The following PCSK5 variants were observed in gnomAD, a reference collection of about 807,000 sequenced individuals.
PCSK5 encodes prohormone convertase 5.
PCSK5 carries 129 observed loss-of-function variants against 233.2 expected under a neutral mutation model. The observed-to-expected ratio is 0.55, with a 90% confidence interval of 0.48 to 0.64. PCSK5 has a LOEUF of 0.64. Ranked by LOEUF, PCSK5 falls within the 30% of genes least tolerant of loss-of-function variation. PCSK5 has a pLI of 0.00. For synonymous variants in PCSK5, 825 were observed against 879.2 expected, an observed-to-expected ratio of 0.94 and a Z score of 1.09; for missense variants, 2,076 against 2,430.1, an observed-to-expected ratio of 0.85 and a Z score of 3.06.
intron 3 of PCSK5, among the ~76,000 whole-genome samples, chr9:76,014,154 A>G (rs1827849887): frequency 2.6e-5 from 4 of 152,086 alleles, no homozygotes; most frequent in Admixed American, 2.6e-4. Flanking sequence ...TGCAAGCAGA[A>G]TTTTGCAAAT....
At chr9:76,166,455 G>C (rs980803392) in intron 12 of PCSK5, among the ~76,000 whole-genome samples, 3 of 152,166 alleles carry the variant, frequency 2.0e-5, no homozygotes, top group African/African-American at 7.2e-5. Flanking sequence ...ACTTTCAAAG[G>C]TGGACAGGAA....
At chr9:76,031,404 C>T (rs143922954) in intron 5 of PCSK5, among the ~76,000 whole-genome samples, 1 of 152,300 alleles carries the variant, frequency 6.6e-6, no homozygotes, top group East Asian at 1.9e-4. Flanking sequence ...ATACTTCCCT[C>T]TAGGCTGGGC....
At chr9:76,312,468 C>T (rs541088248) in intron 30 of PCSK5, among the ~76,000 whole-genome samples, 7 of 149,452 alleles carry the variant, frequency 4.7e-5, no homozygotes, top group East Asian at 3.9e-4. Context: ...AAGATCACAC[C>T]GTTATATTCC....
intron 20 of PCSK5, among the ~76,000 whole-genome samples, chr9:76,208,817 G>A (rs980779581): frequency 2.6e-5 from 4 of 152,172 alleles, no homozygotes; most frequent in African/African-American, 9.7e-5. Context: ...GCTGAGAAGT[G>A]GATTGATGGT....
At chr9:75,987,583 A>G (rs899543018) in intron 3 of PCSK5, among the ~76,000 whole-genome samples, 3 of 152,158 alleles carry the variant, frequency 2.0e-5, no homozygotes, top group African/African-American at 7.2e-5. Context: ...TTACCCAGAA[A>G]TGAAAGGTTA....
chr9:76,145,628 C>T (rs1423668399), intron 10 of PCSK5, among the ~76,000 whole-genome samples: 1 of 152,164 alleles, frequency 6.6e-6, no homozygotes, highest in Non-Finnish European at 1.5e-5. Context: ...CAGACTGCAG[C>T]ACCAGTTTCA....
intron 8 of PCSK5, among the ~76,000 whole-genome samples, chr9:76,098,646 C>T (rs373489087): frequency 6.6e-5 from 10 of 152,214 alleles, no homozygotes; most frequent in African/African-American, 2.2e-4. Context: ...TTTAGTCAGT[C>T]CTATTATTCT....
chr9:76,311,001 C>T (rs1828850514), intron 30 of PCSK5, 150 bp downstream of exon 30: 1 of 562,952 alleles, frequency 1.8e-6, no homozygotes, highest in African/African-American at 1.9e-5. Context: ...GTGTGCGCCA[C>T]AGCAGCCAAA....
chr9:75,897,233 A>G (rs950291457), intron 1 of PCSK5, among the ~76,000 whole-genome samples: 6 of 152,172 alleles, frequency 3.9e-5, no homozygotes, highest in Non-Finnish European at 7.4e-5. Flanking sequence ...GAATAACAAC[A>G]TACAGTAATT....
intron 20 of PCSK5, among the ~76,000 whole-genome samples, chr9:76,206,143 C>G (rs747519357): frequency 6.6e-6 from 1 of 152,104 alleles, no homozygotes; most frequent in Middle Eastern, 3.2e-3. Context: ...TTCAGTAGAT[C>G]CGAGGTGGAA....
chr9:76,210,538 G>A (rs1825291556), intron 20 of PCSK5, among the ~76,000 whole-genome samples: 1 of 152,210 alleles, frequency 6.6e-6, no homozygotes, highest in Admixed American at 6.5e-5. Flanking sequence ...GTCTGCTACA[G>A]TTTGTAAGGT....
chr9:76,041,669 G>A (rs375526196), intron 5 of PCSK5, among the ~76,000 whole-genome samples: 3 of 151,904 alleles, frequency 2.0e-5, no homozygotes, highest in Non-Finnish European at 2.9e-5. Context: ...GTGAAACCCC[G>A]TCTCTACTAA....
intron 14 of PCSK5, among the ~76,000 whole-genome samples, chr9:76,176,527 T>C (rs964387131): frequency 6.6e-6 from 1 of 152,236 alleles, no homozygotes; most frequent in African/African-American, 2.4e-5. Flanking sequence ...AAAGTCTCAT[T>C]GGAATTTAAT....
intron 5 of PCSK5, among the ~76,000 whole-genome samples, chr9:76,043,380 T>C (rs1829218479): frequency 6.9e-6 from 1 of 144,946 alleles, no homozygotes; most frequent in Admixed American, 6.9e-5. Flanking sequence ...TATTTACAGA[T>C]ATTAAAAGGC....
intron 20 of PCSK5, among the ~76,000 whole-genome samples, chr9:76,191,263 A>G (rs1204490654): frequency 2.6e-5 from 4 of 152,198 alleles, no homozygotes; most frequent in Admixed American, 1.3e-4. Context: ...TCGCTGCCCT[A>G]GGTTTATTCT....
intron 5 of PCSK5, among the ~76,000 whole-genome samples, chr9:76,064,591 G>A (rs1479348961): frequency 4.8e-5 from 7 of 145,922 alleles, no homozygotes; most frequent in Admixed American, 1.3e-4. Context: ...GCTGCCGGGC[G>A]GAGAGGCTCC....
chr9:76,069,513 A>ATTC (rs1830407870), intron 6 of PCSK5, among the ~76,000 whole-genome samples: 2 of 152,060 alleles, frequency 1.3e-5, no homozygotes, highest in Admixed American at 1.3e-4. Context: ...CAACAAGAAC[A>ATTC]TTCTGAATAA....
At chr9:76,018,912 A>G (rs546031034) in intron 3 of PCSK5, among the ~76,000 whole-genome samples, 21 of 152,298 alleles carry the variant, frequency 1.4e-4, no homozygotes, top group African/African-American at 5.1e-4. Context: ...TCCGCGCCTT[A>G]TCTACTCCTT....
At chr9:76,196,757 A>G (rs554299061) in intron 20 of PCSK5, among the ~76,000 whole-genome samples, 2 of 152,316 alleles carry the variant, frequency 1.3e-5, no homozygotes, top group South Asian at 2.1e-4. Flanking sequence ...TTCTCTCTCA[A>G]TTTTCAGAAG....
Sources: allele counts gnomAD v4.1 joint callset (sites outside exome capture counted in the v4.1 genomes callset), GRCh38; gene constraint gnomAD v4.1.1; transcripts MANE v1.5; gene names NCBI Gene and HGNC (gene_info 2026-07-23, HGNC 2026-07-21).